FAP: variants seen among roughly 807,000 people sequenced by gnomAD.
FAP encodes fibroblast activation protein alpha.
A neutral mutation model predicts 126.5 loss-of-function variants in FAP; 110 were observed. The observed-to-expected ratio is 0.87, with a 90% confidence interval of 0.74 to 1.02. The LOEUF is 1.02. Among genes scored for constraint, FAP ranks in the 50% least tolerant of loss-of-function variants. FAP has a pLI of 0.00. For missense variants in FAP, 919 were observed against 909.2 expected (o/e 1.01, Z -0.14); for synonymous variants, 334 against 297.3 (o/e 1.12, Z -1.27).
chr2:162,195,148 T>C (rs1378252900), intron 16 of FAP: 2 of 203,962 alleles, frequency 9.8e-6, no homozygotes, highest in Non-Finnish European at 2.0e-5. Context: ...ATTTTCAATC[T>C]GGCTTCTTGG....
intron 20 of FAP, chr2:162,183,721 T>C (rs1029705311): frequency 2.5e-5 from 8 of 324,488 alleles, no homozygotes; most frequent in African/African-American, 1.3e-4. Context: ...TAAGGCCTTG[T>C]AGTCTAATCG....
intron 2 of FAP, among the ~76,000 whole-genome samples, chr2:162,237,537 T>C (rs1015403099): frequency 1.3e-5 from 2 of 152,046 alleles, no homozygotes; most frequent in Non-Finnish European, 2.9e-5. Flanking sequence ...CGTCCCTGCA[T>C]GTCCCATGGC....
rs1206502227 is a variant in FAP, at chr2:162,179,812, A to ATTTTTT, written c.1869+3596_1869+3601dup. On this transcript the variant is annotated intron_variant, in intron 21 of 25. Coordinates refer to ENST00000188790, the MANE Select transcript of FAP (RefSeq NM_004460.5). ...TATCTATATATATATATATATATAT[A>ATTTTTT]TTTTTTTTTTTTTTGAGATGGAGTC... Among the ~76,000 whole-genome samples the ATTTTTT allele has an allele frequency of 6.7e-3, 607 of 90,502 alleles. 9 individuals are homozygous for ATTTTTT. The highest frequency in any genetic ancestry group is 0.021 in the African/African-American group (581 of 27,752). 59.4% of individuals were successfully genotyped at this position (90,502 alleles called of 152,430 possible). A position where few individuals can be genotyped will look rare whatever the true frequency, so the allele number is the denominator to read the frequency against.
At chr2:162,199,104 A>G (rs886242746) in intron 15 of FAP, among the ~76,000 whole-genome samples, 4 of 152,178 alleles carry the variant, frequency 2.6e-5, no homozygotes, top group Non-Finnish European at 5.9e-5. Flanking sequence ...AAGAAGCCCT[A>G]TGTGGTTTCC....
intron 11 of FAP, among the ~76,000 whole-genome samples, chr2:162,212,117 C>T (rs1688961031): frequency 6.6e-6 from 1 of 152,146 alleles, no homozygotes; most frequent in African/African-American, 2.4e-5. Context: ...CCAGGGACTT[C>T]CACACCTCAT....
At chr2:162,214,739 A>G (rs999421923) in intron 10 of FAP, among the ~76,000 whole-genome samples, 7 of 151,814 alleles carry the variant, frequency 4.6e-5, no homozygotes, top group Admixed American at 3.9e-4. Context: ...GCTGGAAGGG[A>G]CCTCAGGCTC....
intron 16 of FAP, chr2:162,197,462 T>C (rs1026215360): frequency 2.3e-6 from 1 of 435,200 alleles, no homozygotes; most frequent in Non-Finnish European, 4.7e-6. Flanking sequence ...TGTATACCTT[T>C]AAATGCCAGT....
chr2:162,216,602 G>A (rs1001995358), intron 9 of FAP, among the ~76,000 whole-genome samples: 27 of 152,128 alleles, frequency 1.8e-4, no homozygotes, highest in African/African-American at 6.3e-4. Context: ...ACTACTGTAT[G>A]CTTAAAATTT....
At chr2:162,219,797 C>A in intron 7 of FAP, 56 bp downstream of exon 7, 1 of 1,242,110 alleles carries the variant, frequency 8.1e-7, no homozygotes, top group South Asian at 1.3e-5. Flanking sequence ...AGGCCAAAAT[C>A]AAATGGCTCC....
At chr2:162,235,747 A>T (rs766514023) in intron 2 of FAP, among the ~76,000 whole-genome samples, 4 of 152,066 alleles carry the variant, frequency 2.6e-5, no homozygotes, top group Non-Finnish European at 5.9e-5. Flanking sequence ...CTCCTTCCAC[A>T]CTGTGGAAGT....
At chr2:162,203,286 T>C in intron 12 of FAP, 141 bp from the exon 13 acceptor site, 2 of 609,394 alleles carry the variant, frequency 3.3e-6, no homozygotes, top group Non-Finnish European at 2.9e-6. Context: ...GTCATTCACA[T>C]CTGAAATCCC....
chr2:162,236,309 A>G (rs1261908335), intron 2 of FAP, among the ~76,000 whole-genome samples: 1 of 152,168 alleles, frequency 6.6e-6, no homozygotes, highest in Non-Finnish European at 1.5e-5. Context: ...AATGCGGGTA[A>G]TACCTTATAG....
At chr2:162,197,799 A>T in intron 16 of FAP, 1 of 357,218 alleles carries the variant, frequency 2.8e-6, no homozygotes, top group Admixed American at 3.8e-5. Flanking sequence ...ACATACCCCT[A>T]CCAGGGGAGC....
At chr2:162,238,044 TG>T (rs1260336799) in intron 2 of FAP, among the ~76,000 whole-genome samples, 1 of 150,968 alleles carries the variant, frequency 6.6e-6, no homozygotes, top group African/African-American at 2.4e-5. Flanking sequence ...TTGATGGGAT[TG>T]TTTTTTTTTT....
At chr2:162,197,245 G>A (rs1158030913) in intron 16 of FAP, among the ~76,000 whole-genome samples, 1 of 152,138 alleles carries the variant, frequency 6.6e-6, no homozygotes, top group Admixed American at 6.5e-5. Flanking sequence ...TGTCTATTAT[G>A]TATTAGACAT....
chr2:162,206,583 T>C (rs1328548554), intron 12 of FAP, among the ~76,000 whole-genome samples: 1 of 152,218 alleles, frequency 6.6e-6, no homozygotes, highest in Admixed American at 6.5e-5. Flanking sequence ...GTTGCTTAAA[T>C]TATTTTAAAA....
intron 2 of FAP, among the ~76,000 whole-genome samples, chr2:162,232,856 C>T (rs1689953335): frequency 6.6e-6 from 1 of 152,112 alleles, no homozygotes; most frequent in African/African-American, 2.4e-5. Context: ...GCAAATGACC[C>T]TCTGGTGACT....
intron 10 of FAP, among the ~76,000 whole-genome samples, chr2:162,215,299 C>T (rs764219020): frequency 6.6e-6 from 1 of 152,182 alleles, no homozygotes; most frequent in African/African-American, 2.4e-5. Flanking sequence ...GCCTGGGCAC[C>T]TCTTCCCCTT....
intron 2 of FAP, among the ~76,000 whole-genome samples, chr2:162,227,108 AT>A (rs1689686853): frequency 2.0e-5 from 3 of 152,148 alleles, no homozygotes; most frequent in African/African-American, 7.2e-5. Flanking sequence ...TCAATGATGT[AT>A]TTTAGCATCC....
Sources: allele counts gnomAD v4.1 joint callset (sites outside exome capture counted in the v4.1 genomes callset), GRCh38; gene constraint gnomAD v4.1.1; transcripts MANE v1.5; gene names NCBI Gene and HGNC (gene_info 2026-07-23, HGNC 2026-07-21).